The following KCNMB2 variants were observed in gnomAD, a reference collection of about 807,000 sequenced individuals.
The protein encoded by KCNMB2 is calcium-activated potassium channel subunit beta-2.
Under a neutral mutation model 24.5 loss-of-function variants are expected in KCNMB2, and 9 were observed. That is an observed-to-expected ratio of 0.37 (90% CI 0.22 to 0.64). The LOEUF (loss-of-function observed/expected upper bound fraction) is 0.64, where lower values mean the gene tolerates loss of function less well. Among genes scored for constraint, KCNMB2 ranks in the 30% least tolerant of loss-of-function variants. The pLI, the probability that KCNMB2 is intolerant of heterozygous loss-of-function variation, is 0.63. For missense variants in KCNMB2, 226 were observed against 284.3 expected (o/e 0.79, Z 1.47); for synonymous variants, 109 against 104.4 (o/e 1.04, Z -0.27).
intron 1 of KCNMB2, among the ~76,000 whole-genome samples, chr3:178,700,314 T>C (rs1474603012): frequency 6.6e-6 from 1 of 152,258 alleles, no homozygotes; most frequent in African/African-American, 2.4e-5. Context: ...TCCACTTCAC[T>C]GTCTAAAACA....
intron 1 of KCNMB2, among the ~76,000 whole-genome samples, chr3:178,724,984 T>G (rs1383671365): frequency 6.6e-6 from 1 of 152,068 alleles, no homozygotes; most frequent in African/African-American, 2.4e-5. Flanking sequence ...TCAGGGTTGC[T>G]TTGGCTATTC....
intron 1 of KCNMB2, among the ~76,000 whole-genome samples, chr3:178,627,765 A>G (rs1037432736): frequency 6.6e-6 from 1 of 152,216 alleles, no homozygotes; most frequent in African/African-American, 2.4e-5. Context: ...ATAAAATTGT[A>G]TTGAAATAAG....
At chr3:178,662,541 G>C (rs1468260588) in intron 1 of KCNMB2, among the ~76,000 whole-genome samples, 1 of 152,078 alleles carries the variant, frequency 6.6e-6, no homozygotes, top group Admixed American at 6.6e-5. Context: ...AAAAGGACAA[G>C]AGCTTGTATC....
chr3:178,828,946 T>A (rs979637895), intron 4 of KCNMB2, among the ~76,000 whole-genome samples: 50 of 146,186 alleles, frequency 3.4e-4, no homozygotes, highest in African/African-American at 6.9e-4. Flanking sequence ...TGTGTGTGTG[T>A]GTGTGTGTGT....
At chr3:178,682,749 C>A (rs187684419) in intron 1 of KCNMB2, among the ~76,000 whole-genome samples, 2 of 151,696 alleles carry the variant, frequency 1.3e-5, no homozygotes, top group Admixed American at 1.3e-4. Flanking sequence ...AAGTAGCCAA[C>A]AAACATATGA....
At chr3:178,754,297 A>G (rs1723954983) in intron 1 of KCNMB2, among the ~76,000 whole-genome samples, 2 of 151,632 alleles carry the variant, frequency 1.3e-5, no homozygotes, top group African/African-American at 4.8e-5. Flanking sequence ...TGAACACAAG[A>G]GACAGATATC....
chr3:178,643,303 CAGAGTCATGTGA>C (rs1719792787), intron 1 of KCNMB2, among the ~76,000 whole-genome samples: 1 of 152,088 alleles, frequency 6.6e-6, no homozygotes, highest in Non-Finnish European at 1.5e-5. Flanking sequence ...AGTCACATGA[CAGAGTCATGTGA>C]TGATGGTACA....
chr3:178,624,258 T>C (rs1020180418), intron 1 of KCNMB2, among the ~76,000 whole-genome samples: 12 of 150,996 alleles, frequency 7.9e-5, no homozygotes, highest in African/African-American at 2.4e-4. Context: ...TTTTTTTTTT[T>C]TTTTTGCCTT....
chr3:178,567,126 T>A (rs1323523090), intron 1 of KCNMB2, among the ~76,000 whole-genome samples: 1 of 152,234 alleles, frequency 6.6e-6, no homozygotes, highest in Non-Finnish European at 1.5e-5. Context: ...TTTCTCATTC[T>A]GATCTTTATA....
At chr3:178,730,415 A>G (rs796779451) in intron 1 of KCNMB2, among the ~76,000 whole-genome samples, 2 of 63,616 alleles carry the variant, frequency 3.1e-5, no homozygotes, top group African/African-American at 1.2e-4. Flanking sequence ...ACCCCCCCAC[A>G]CACACACACA....
rs576653400 is a variant in KCNMB2, at chr3:178,575,010, G to A, written c.-68+38299G>A. The stretch of plus-strand genomic sequence containing the variant: ...TTGAACCCAGGAGACAGAGGTTGCA[G>A]TGAGCCAAGATCACGCCACTGCACT... On this transcript the variant is annotated intron_variant, in intron 1 of 4. Coordinates refer to ENST00000452583, the MANE Select transcript of KCNMB2 (RefSeq NM_181361.3). Among the ~76,000 whole-genome samples, 8 of 152,276 alleles carry A rather than the reference G, an allele frequency of 5.3e-5. 1 individual carries two copies. The highest frequency in any genetic ancestry group is 3.4e-3 in the Middle Eastern group (1 of 294).
At chr3:178,609,025 C>T (rs573177010) in intron 1 of KCNMB2, among the ~76,000 whole-genome samples, 6 of 152,216 alleles carry the variant, frequency 3.9e-5, no homozygotes, top group Admixed American at 3.3e-4. Context: ...ATTGCTGGAT[C>T]GTATGGCAGC....
intron 1 of KCNMB2, among the ~76,000 whole-genome samples, chr3:178,759,556 T>TATATAC (rs1283484068): frequency 3.9e-5 from 4 of 103,568 alleles, no homozygotes; most frequent in African/African-American, 6.8e-5. Context: ...CAAGAGGATA[T>TATATAC]ATATATCTCT....
intron 1 of KCNMB2, among the ~76,000 whole-genome samples, chr3:178,780,946 C>A (rs1178352788): frequency 3.3e-5 from 5 of 152,200 alleles, no homozygotes; most frequent in Non-Finnish European, 2.9e-5. Flanking sequence ...ACAGTAGCCA[C>A]TAGCCACAGG....
intron 1 of KCNMB2, among the ~76,000 whole-genome samples, chr3:178,617,297 G>A (rs370968630): frequency 4.6e-5 from 7 of 152,002 alleles, no homozygotes; most frequent in Admixed American, 2.0e-4. Flanking sequence ...GGTGGCTCAC[G>A]CCTGTAATCC....
intron 1 of KCNMB2, among the ~76,000 whole-genome samples, chr3:178,600,062 G>C (rs1718023997): frequency 6.6e-6 from 1 of 152,114 alleles, no homozygotes; most frequent in Non-Finnish European, 1.5e-5. Context: ...ATTTTTAGTA[G>C]AGAAGGGGTT....
At chr3:178,737,278 A>AC (rs1386263457) in intron 1 of KCNMB2, among the ~76,000 whole-genome samples, 2 of 152,144 alleles carry the variant, frequency 1.3e-5, no homozygotes, top group African/African-American at 2.4e-5. Context: ...AAAAAAAAAA[A>AC]AATTGCATTA....
intron 4 of KCNMB2, among the ~76,000 whole-genome samples, chr3:178,831,523 A>G (rs1577222492): frequency 6.6e-6 from 1 of 152,314 alleles, no homozygotes; most frequent in Admixed American, 6.5e-5. Context: ...GACAGGATAA[A>G]GAAAATGTGG....
chr3:178,769,541 C>T (rs901662745), intron 1 of KCNMB2, among the ~76,000 whole-genome samples: 1 of 152,078 alleles, frequency 6.6e-6, no homozygotes, highest in Non-Finnish European at 1.5e-5. Flanking sequence ...AAAAGGTGGA[C>T]ACAGGATAAG....
Sources: allele counts gnomAD v4.1 joint callset (sites outside exome capture counted in the v4.1 genomes callset), GRCh38; gene constraint gnomAD v4.1.1; transcripts MANE v1.5; gene names NCBI Gene and HGNC (gene_info 2026-07-23, HGNC 2026-07-21).